ZBTB43: variants seen among roughly 807,000 people sequenced by gnomAD.
The protein encoded by ZBTB43 is zinc finger and BTB domain containing 43.
A neutral mutation model predicts 31.1 loss-of-function variants in ZBTB43; 6 were observed. The ratio of observed to expected loss-of-function variants is 0.19; its 90% CI spans 0.11 to 0.38. ZBTB43 has a LOEUF of 0.38. Ranked by LOEUF, ZBTB43 falls within the 10% of genes least tolerant of loss-of-function variation. ZBTB43 has a pLI of 1.00. For synonymous variants in ZBTB43, 212 were observed against 221.7 expected, an observed-to-expected ratio of 0.96 and a Z score of 0.39; for missense variants, 379 against 602.1, an observed-to-expected ratio of 0.63 and a Z score of 3.88.
upstream of ZBTB43, among the ~76,000 whole-genome samples, chr9:126,804,659 A>G (rs2032081508): frequency 6.6e-6 from 1 of 151,962 alleles, no homozygotes; most frequent in East Asian, 1.9e-4. Flanking sequence ...TAATTTTTGT[A>G]TGTTTTGTAG....
Position 126,823,274 on chromosome 9 carries a change from A to G in ZBTB43, c.-23-9213A>G, listed in dbSNP as rs1393122771. Among the ~76,000 whole-genome samples the G allele has an allele frequency of 3.3e-5, 5 of 152,090 alleles. No individual in the cohort carries two copies. In the East Asian group the frequency reaches 9.6e-4, roughly 29 times the overall value. The stretch of plus-strand genomic sequence containing the variant: ...TCAATTTTATCCACTTTTACTTCAT[A>G]TATTTTAGAGTTATCTTGTTAGGTG... On this transcript the variant is annotated intron_variant, in intron 2 of 2. Coordinates refer to ENST00000373464, the MANE Select transcript of ZBTB43 (RefSeq NM_014007.4).
Position 126,834,027 on chromosome 9 carries a change from AAAG to A in ZBTB43, c.*115_*117del, listed in dbSNP as rs1364603184. On this transcript the variant is annotated 3_prime_UTR_variant, in exon 3 of 3. Transcript: ENST00000373464. ...TATTATGAGAGAAGCTTAAAAAAAA[AAAG>A]GAAGATATTTCTGAAAGACCAGCTC... 4.2e-6 allele frequency: 5 copies of A among 1,204,344 alleles called. No homozygotes were observed. In the African/African-American group the frequency reaches 7.6e-5, roughly 18 times the overall value. The allele number at this position is 1,204,344 out of a possible 1,614,324, so 74.6% of individuals were successfully genotyped here. A position where few individuals can be genotyped will look rare whatever the true frequency, so the allele number is the denominator to read the frequency against.
rs2032785086 is a variant in ZBTB43, at chr9:126,832,485, A to G, written c.-23-2A>G. The G allele has an allele frequency of 1.3e-6, 2 of 1,584,942 alleles. No homozygotes were observed. Among genetic ancestry groups the G allele is most frequent in the Non-Finnish European group, 8.6e-7 (1 of 1,163,150 alleles). On this transcript the variant is annotated splice_acceptor_variant, in intron 2 of 2. Coordinates refer to ENST00000373464, the MANE Select transcript of ZBTB43 (RefSeq NM_014007.4). LOFTEE classifies it low-confidence loss of function (5UTR_SPLICE). ...TTGTACTAATTTTTCTTTCTCTTGTAGCACCGAACAAGATTTGTGATGAAA... is the reference window on the plus strand; with the variant it reads ...TTGTACTAATTTTTCTTTCTCTTGTGGCACCGAACAAGATTTGTGATGAAA...
chr9:126,812,474 C>A (rs537800922), intron 2 of ZBTB43, among the ~76,000 whole-genome samples: 2 of 152,250 alleles, frequency 1.3e-5, no homozygotes, highest in South Asian at 4.2e-4. Flanking sequence ...ATGTTTAACT[C>A]CCTGAGGTGC....
At chr9:126,826,360 T>A (rs1254528280) in intron 2 of ZBTB43, among the ~76,000 whole-genome samples, 2 of 150,644 alleles carry the variant, frequency 1.3e-5, no homozygotes, top group Non-Finnish European at 3.0e-5. Flanking sequence ...TTGGCCAGGC[T>A]GGTCTCGAAC....
At position 126,832,599 on chromosome 9, in the gene ZBTB43, A is replaced by G; in HGVS notation, c.90A>G (p.Gly30=). 1 of 1,614,196 alleles carries G rather than the reference A, an allele frequency of 6.2e-7. No homozygotes were observed. The highest frequency in any genetic ancestry group is 8.5e-7 in the Non-Finnish European group (1 of 1,180,044). The change falls in exon 3 of 3, where the codon GGA becomes GGG. Residue 30 remains glycine, a synonymous_variant. Transcript: ENST00000373464. ...LQKLNQQRQQ[G]QLCDVSIVVQ... is the part of the protein sequence containing the mutation. ...AACTGAACCAGCAGCGCCAGCAAGG[A>G]CAATTATGTGACGTCTCCATTGTTG...
chr9:126,827,982 A>G (rs1243107148), intron 2 of ZBTB43, among the ~76,000 whole-genome samples: 1 of 151,884 alleles, frequency 6.6e-6, no homozygotes, highest in African/African-American at 2.4e-5. Context: ...GCACCATTGC[A>G]CTCCAGCCTG....
In ZBTB43 at chr9:126,823,934, A is replaced by G. The variant is rs542161561; in HGVS notation, c.-23-8553A>G. 7.9e-5 allele frequency among the ~76,000 whole-genome samples: 12 copies of G among 152,316 alleles called. No individual in the cohort carries two copies. The South Asian group carries it at 1.9e-3, about 24-fold the overall frequency. ...TGATTATATCTTTATATATTGTGTA[A>G]TGTGTATTAACATAAATTTATAATT... On this transcript the variant is annotated intron_variant, in intron 2 of 2. Coordinates refer to ENST00000373464, the MANE Select transcript of ZBTB43 (RefSeq NM_014007.4).
chr9:126,804,473 T>G (rs201270392), upstream of ZBTB43, among the ~76,000 whole-genome samples: 4 of 145,994 alleles, frequency 2.7e-5, no homozygotes, highest in African/African-American at 1.1e-4. Flanking sequence ...GTCAAGGTGT[T>G]TTTGTTTGTT....
In ZBTB43 at chr9:126,837,315, C is replaced by T. The variant is rs1230192242; in HGVS notation, c.*3402C>T. ...TCATCTTCCTCTGGTCCCTTTTGGC[C>T]ACTACTTTAAAAGCTTGCCCAAAGG... On this transcript the variant is annotated 3_prime_UTR_variant, in exon 3 of 3. Transcript: ENST00000373464. 6.0e-6 allele frequency: 1 copy of T among 167,038 alleles called. No homozygotes were observed. Among genetic ancestry groups the T allele is most frequent in the Middle Eastern group, 3.1e-3 (1 of 318 alleles). The allele number at this position is 167,038 out of a possible 1,614,324, so 10.3% of individuals were successfully genotyped here.
chr9:126,828,638 T>G (rs1352706799), intron 2 of ZBTB43, among the ~76,000 whole-genome samples: 2 of 133,502 alleles, frequency 1.5e-5, no homozygotes, highest in African/African-American at 5.6e-5. Flanking sequence ...TAAATAATAA[T>G]AATAATAATA....
intron 2 of ZBTB43, among the ~76,000 whole-genome samples, chr9:126,830,483 A>G (rs1043903565): frequency 6.6e-6 from 1 of 152,194 alleles, no homozygotes; most frequent in Non-Finnish European, 1.5e-5. Context: ...TGTCTCTGCA[A>G]AAAATACAAA....
intron 2 of ZBTB43, among the ~76,000 whole-genome samples, chr9:126,818,017 T>C (rs998338211): frequency 6.6e-5 from 10 of 152,168 alleles, no homozygotes; most frequent in Non-Finnish European, 1.3e-4. Flanking sequence ...GTAGTATTGT[T>C]ATCTTAACAA....
intron 2 of ZBTB43, among the ~76,000 whole-genome samples, chr9:126,822,749 AAAAG>A (rs1234416189): frequency 1.3e-5 from 2 of 152,142 alleles, no homozygotes; most frequent in African/African-American, 2.4e-5. Flanking sequence ...TGGGAAACAA[AAAAG>A]AAAGAAAGAA....
At chr9:126,805,827 C>T (rs2032114332) in intron 1 of ZBTB43, among the ~76,000 whole-genome samples, 1 of 151,704 alleles carries the variant, frequency 6.6e-6, no homozygotes. Context: ...TTTCTGCCAA[C>T]TTTGTTTTTG....
intron 2 of ZBTB43, among the ~76,000 whole-genome samples, chr9:126,814,286 C>G (rs1200765113): frequency 6.6e-6 from 1 of 150,514 alleles, no homozygotes; most frequent in Non-Finnish European, 1.5e-5. Context: ...ATGAAATTTA[C>G]ATCTGTAAAA....
At chr9:126,815,628 G>C (rs1277285544) in intron 2 of ZBTB43, among the ~76,000 whole-genome samples, 1 of 134,898 alleles carries the variant, frequency 7.4e-6, no homozygotes, top group African/African-American at 2.7e-5. Context: ...TAAATTTCTA[G>C]ATGTTTTATT....
At chr9:126,828,142 C>T (rs1050980581) in intron 2 of ZBTB43, among the ~76,000 whole-genome samples, 10 of 152,120 alleles carry the variant, frequency 6.6e-5, no homozygotes, top group Non-Finnish European at 1.2e-4. Context: ...CAACCTTACT[C>T]TTCATGCCAA....
At chr9:126,811,096 C>T (rs986418286) in intron 2 of ZBTB43, among the ~76,000 whole-genome samples, 2 of 151,598 alleles carry the variant, frequency 1.3e-5, no homozygotes, top group Non-Finnish European at 2.9e-5. Flanking sequence ...GTGTCACGCA[C>T]CTGTGGTCTC....
Sources: gnomAD v4.1 joint callset for allele counts (sites outside exome capture counted in the v4.1 genomes callset) on GRCh38, gnomAD v4.1.1 for gene constraint, MANE v1.5 for transcripts, NCBI Gene and HGNC (gene_info 2026-07-23, HGNC 2026-07-21) for gene names.